CYP1A1: variants seen among roughly 807,000 people sequenced by gnomAD.
CYP1A1 encodes cytochrome P450 1A1.
A neutral mutation model predicts 33.6 loss-of-function variants in CYP1A1; 43 were observed. The ratio of observed to expected loss-of-function variants is 1.28; its 90% CI spans 1.00 to 1.65. CYP1A1 has a LOEUF of 1.65. Ranked by LOEUF, CYP1A1 falls within the 40% of genes most tolerant of loss-of-function variation. The pLI, the probability that CYP1A1 is intolerant of heterozygous loss-of-function variation, is 0.00. For missense variants in CYP1A1, 637 were observed against 653.7 expected, an observed-to-expected ratio of 0.97 and a Z score of 0.28; for synonymous variants, 280 against 257.8, an observed-to-expected ratio of 1.09 and a Z score of -0.83.
intron 1 of CYP1A1, 60 bp from the exon 2 acceptor site, chr15:74,723,186 C>A: frequency 1.0e-6 from 1 of 968,962 alleles, no homozygotes; most frequent in Non-Finnish European, 1.5e-6. Flanking sequence ...TGAGAAAAGC[C>A]AATATCTAGA....
At chr15:74,721,801 A>C in intron 2 of CYP1A1, 84 bp from the exon 3 acceptor site, 1 of 1,540,148 alleles carries the variant, frequency 6.5e-7, no homozygotes, top group Non-Finnish European at 8.8e-7. Context: ...CACTATTCCT[A>C]GCACATTTGT....
chr15:74,725,288 A>G (rs2063207227), intron 1 of CYP1A1, 153 bp downstream of exon 1: 1 of 152,402 alleles, frequency 6.6e-6, no homozygotes, highest in Non-Finnish European at 1.5e-5. Flanking sequence ...CAGTTTCCCC[A>G]CTAGGGGGCT....
In CYP1A1 at chr15:74,720,987, C is replaced by A. The variant is rs1183810110; in HGVS notation, c.1233G>T (p.Gln411His). ...IPKGRCVFVN[Q>H]WQINHDQKLW... is the part of the protein sequence containing the mutation. ...CTTACTGGTCATGGTTGATCTGCCA[C>A]TGGTTTACAAAGACACAACGCCCCT... Residue 411 changes from glutamine (Q) to histidine (H), a missense_variant, in exon 6 of 7, where the codon CAG becomes CAT. Coordinates refer to ENST00000379727, the MANE Select transcript of CYP1A1 (RefSeq NM_001319217.2). 1 of 1,614,188 alleles carries A rather than the reference C, an allele frequency of 6.2e-7. No homozygotes were observed. Among genetic ancestry groups the A allele is most frequent in the South Asian group, 1.1e-5 (1 of 91,086 alleles).
rs780078658 is a variant in CYP1A1 at position 74,722,960 on chromosome 15, C to G, written c.138G>C (p.Trp46Cys). The change falls in exon 2 of 7, where the codon TGG becomes TGC. Residue 46 changes from tryptophan (W) to cysteine (C), a missense_variant. By Grantham distance (215) the Trp-to-Cys change is radical. Coordinates refer to ENST00000379727, the MANE Select transcript of CYP1A1 (RefSeq NM_001319217.2). ...GGGTCAGCATGTGCCCAATCAGAGGCCAGCCCCATGGCCCTGGTGGATTCT... is the reference window on the plus strand; with the variant it reads ...GGGTCAGCATGTGCCCAATCAGAGGGCAGCCCCATGGCCCTGGTGGATTCT... ...GLKNPPGPWG[W>C]PLIGHMLTLG... 1.5e-5 allele frequency: 24 copies of G among 1,614,044 alleles called. No homozygotes were observed. The highest frequency in any genetic ancestry group is 1.7e-5 in the Non-Finnish European group (20 of 1,180,042).
chr15:74,721,549 A>G (rs2063170463), intron 3 of CYP1A1, 42 bp downstream of exon 3: 2 of 1,614,082 alleles, frequency 1.2e-6, no homozygotes, highest in Admixed American at 1.7e-5. Context: ...GCAGCAGGTC[A>G]GGGCACTTGA....
rs370247242 is a variant in CYP1A1, at chr15:74,722,267, C to A, written c.825+6G>T. The A allele has an allele frequency of 5.6e-6, 9 of 1,605,180 alleles. No homozygotes were observed. The African/African-American group carries it at 1.1e-4, about 19-fold the overall frequency. ...CACCACCCACCTGCCTTTCCCCAGA[C>A]TGTACCTTCTCAAAGGTTTTGTAGT... On this transcript the variant is annotated splice_donor_region_variant and intron_variant, in intron 2 of 6. Coordinates refer to ENST00000379727, the MANE Select transcript of CYP1A1 (RefSeq NM_001319217.2).
rs556665867 is a variant in CYP1A1, at chr15:74,719,637, A to G, written c.*852T>C. 3 of 152,300 alleles carry G rather than the reference A, an allele frequency of 2.0e-5. No homozygotes were observed. In the East Asian group the frequency reaches 5.8e-4, roughly 29 times the overall value. 9.4% of individuals were successfully genotyped at this position (152,300 alleles called of 1,614,324 possible). A position where few individuals can be genotyped will look rare whatever the true frequency, so the allele number is the denominator to read the frequency against. Reference sequence around the variant, plus strand: ...GAATTTTCCCTATTACATTAAATCAATGGTTCTTAAGCTCTTATGCAAGCA... The same window carrying G: ...GAATTTTCCCTATTACATTAAATCAGTGGTTCTTAAGCTCTTATGCAAGCA... On this transcript the variant is annotated 3_prime_UTR_variant, in exon 7 of 7. Coordinates refer to ENST00000379727, the MANE Select transcript of CYP1A1 (RefSeq NM_001319217.2).
In CYP1A1 at chr15:74,722,385, G is replaced by C; in HGVS notation, c.713C>G (p.Pro238Arg). The C allele has an allele frequency of 6.2e-7, 1 of 1,614,086 alleles. No homozygotes were observed. The highest frequency in any genetic ancestry group is 8.5e-7 in the Non-Finnish European group (1 of 1,180,028). The change falls in exon 2 of 7, where the codon CCT becomes CGT. Residue 238 changes from proline (P) to arginine (R), a missense_variant. Physicochemically the swap from Pro to Arg is moderately radical, Grantham distance 103. Transcript: ENST00000379727. ...AGGGTTGGGTAGGTAGCGAAGAATA[G>C]GGATGAAGTCAGCTGGGTTTCCAGA... The part of the protein sequence containing the change: ...VGSGNPADFI[P>R]ILRYLPNPSL...
rs756934290 is a variant in CYP1A1, at chr15:74,720,478, C to A, written c.*11G>T. On this transcript the variant is annotated 3_prime_UTR_variant, in exon 7 of 7. Transcript: ENST00000379727. ...GGTAGACAGAGTCTAGGCCTCAGGG[C>A]TCTCAAGCACCTAAGAGCGCAGCTG... 2 of 1,547,220 alleles carry A rather than the reference C, an allele frequency of 1.3e-6. No individual in the cohort carries two copies. Among genetic ancestry groups the A allele is most frequent in the Admixed American group, 2.0e-5 (1 of 50,304 alleles).
chr15:74,723,068 C>A lies in CYP1A1; in HGVS notation c.30G>T (p.Thr10=). The A allele has an allele frequency of 6.3e-7, 1 of 1,596,954 alleles. No homozygotes were observed. Among genetic ancestry groups the A allele is most frequent in the East Asian group, 2.2e-5 (1 of 44,550 alleles). The change falls in exon 2 of 7, where the codon ACG becomes ACT. Residue 10 remains threonine (T), a synonymous_variant. Coordinates refer to ENST00000379727, the MANE Select transcript of CYP1A1 (RefSeq NM_001319217.2). ...AGATGACAGAGGCCAGAAGAAACTC[C>A]GTGGCCGACATGGAGATTGGGAAAA... The part of the protein sequence containing the change: MLFPISMSA[T]EFLLASVIFC...
Position 74,721,277 on chromosome 15 carries a change from G to T in CYP1A1, c.1088C>A (p.Ser363Tyr), listed in dbSNP as rs759604228. 6.2e-7 allele frequency: 1 copy of T among 1,613,872 alleles called. No individual in the cohort carries two copies. Among genetic ancestry groups the T allele is most frequent in the Non-Finnish European group, 8.5e-7 (1 of 1,179,888 alleles). Residue 363 changes from serine (S) to tyrosine (Y), a missense_variant, in exon 5 of 7, where the codon TCC becomes TAC. By Grantham distance (144) the Ser-to-Tyr change is moderately radical (BLOSUM62 -2). Coordinates refer to ENST00000379727, the MANE Select transcript of CYP1A1 (RefSeq NM_001319217.2). The part of the protein sequence containing the change: ...RSRRPRLSDR[S>Y]HLPYMEAFIL... ...GAAGGCCTCCATATAGGGCAGATGGGATCTGTCAGAGAGCCGGGGCCGCCG... is the reference window on the plus strand; with the variant it reads ...GAAGGCCTCCATATAGGGCAGATGGTATCTGTCAGAGAGCCGGGGCCGCCG...
In CYP1A1 at chr15:74,721,466, G is replaced by T; in HGVS notation, c.990C>A (p.Leu330=). The change falls in exon 4 of 7, where the codon CTC becomes CTA. Residue 330 remains leucine (L), a synonymous_variant. Transcript: ENST00000379727. ...DTVTTAISWS[L]MYLVMNPRVQ... ...CCCTGGGGTTCATCACCAAATACAT[G>T]AGGCTCCAGGAGATAGCAGTTGTGA... 1.9e-6 allele frequency: 3 copies of T among 1,614,146 alleles called. No individual in the cohort carries two copies. The highest frequency in any genetic ancestry group is 2.5e-6 in the Non-Finnish European group (3 of 1,180,024).
rs1397414152 is a variant in CYP1A1 at position 74,720,485 on chromosome 15, GCAC to G, written c.*1_*3del. ...AGAGTCTAGGCCTCAGGGCTCTCAA[GCAC>G]CTAAGAGCGCAGCTGCATTTGGAAG... On this transcript the variant is annotated 3_prime_UTR_variant, in exon 7 of 7. Transcript: ENST00000379727. 6.4e-7 allele frequency: 1 copy of G among 1,551,198 alleles called. No individual in the cohort carries two copies. The highest frequency in any genetic ancestry group is 1.4e-5 in the African/African-American group (1 of 73,192).
At chr15:74,724,984 G>T (rs1254935087) in intron 1 of CYP1A1, among the ~76,000 whole-genome samples, 3 of 152,158 alleles carry the variant, frequency 2.0e-5, no homozygotes, top group African/African-American at 7.2e-5. Flanking sequence ...ATCTGCCAGG[G>T]GTAGCTTCTT....
chr15:74,722,695 G>A lies in CYP1A1; in HGVS notation c.403C>T (p.Arg135Trp), dbSNP rs45442501. 1.6e-4 allele frequency: 264 copies of A among 1,613,500 alleles called. No homozygotes were observed. The Middle Eastern group carries it at 2.1e-3, about 13-fold the overall frequency. Residue 135 changes from arginine (R) to tryptophan (W), a missense_variant, in exon 2 of 7, where the codon CGG becomes TGG. Transcript: ENST00000379727. ...TTCAGGCCATTCTGGGCCAGGCGCC[G>A]GCGGGCAGCCCACACTGGTCCAGAG... ...PDSGPVWAAR[R>W]RLAQNGLKSF...
At position 74,721,601 on chromosome 15, in the gene CYP1A1, G is replaced by C. The variant is rs767031764; in HGVS notation, c.942C>G (p.Leu314=). ...DEKIINIVLD[L]FGAGFDTVTT... is the part of the protein sequence containing the mutation. ...ATGGGGTAACCATACCAGCTCCAAAGAGGTCCAAGACGATGTTAATGATCT... is the reference window on the plus strand; with the variant it reads ...ATGGGGTAACCATACCAGCTCCAAACAGGTCCAAGACGATGTTAATGATCT... The change falls in exon 3 of 7, where the codon CTC becomes CTG. Residue 314 remains leucine, a synonymous_variant. Transcript: ENST00000379727. 6.2e-7 allele frequency: 1 copy of C among 1,614,178 alleles called. No individual in the cohort carries two copies. The highest frequency in any genetic ancestry group is 8.5e-7 in the Non-Finnish European group (1 of 1,180,022).
At chr15:74,721,987 G>T (rs2063174171) in intron 2 of CYP1A1, 2 of 594,564 alleles carry the variant, frequency 3.4e-6, no homozygotes, top group Middle Eastern at 4.5e-4. Flanking sequence ...GAGGCCAGGA[G>T]ATGAACTCTT....
rs1483135385 is a variant in CYP1A1 at position 74,721,690 on chromosome 15, G to A, written c.853C>T (p.Leu285=). The A allele has an allele frequency of 1.2e-6, 2 of 1,614,148 alleles. No homozygotes were observed. Among genetic ancestry groups the A allele is most frequent in the South Asian group, 2.2e-5 (2 of 91,084 alleles). The change falls in exon 3 of 7, where the codon CTG becomes TTG. Residue 285 remains leucine (L), a synonymous_variant. Transcript: ENST00000379727. ...TGCTTCTCCTGACAGTGCTCAATCAGGCTGTCTGTGATGTCCCGGATGTGG... is the reference window on the plus strand; with the variant it reads ...TGCTTCTCCTGACAGTGCTCAATCAAGCTGTCTGTGATGTCCCGGATGTGG... ...KGHIRDITDS[L]IEHCQEKQLD...
In CYP1A1 at chr15:74,722,617, C is replaced by T. The variant is rs368890165; in HGVS notation, c.481G>A (p.Glu161Lys). The T allele has an allele frequency of 4.7e-5, 76 of 1,614,024 alleles. No homozygotes were observed. The highest frequency in any genetic ancestry group is 5.4e-5 in the Non-Finnish European group (64 of 1,180,042). Residue 161 changes from glutamate (E) to lysine (K), a missense_variant, in exon 2 of 7, where the codon GAG becomes AAG. Transcript: ENST00000379727. ...ACCTCAGCCTCCTTGCTCACATGCT[C>T]TTCCAGGTAGCAGGAGGTTGAGGAG... Reference protein sequence around the residue: ...PASSTSCYLEEHVSKEAEVLI... With the variant: ...PASSTSCYLEKHVSKEAEVLI...
Sources: gnomAD v4.1 joint callset for allele counts (sites outside exome capture counted in the v4.1 genomes callset) on GRCh38, gnomAD v4.1.1 for gene constraint, MANE v1.5 for transcripts, NCBI Gene and HGNC (gene_info 2026-07-23, HGNC 2026-07-21) for gene names.